HERC2: variants seen among roughly 807,000 people sequenced by gnomAD.
HERC2 encodes the protein E3 ubiquitin-protein ligase HERC2.
In HERC2, 102 loss-of-function variants were observed where a neutral mutation model predicts 537.7. That is an observed-to-expected ratio of 0.19 (90% CI 0.16 to 0.22). The LOEUF is 0.22. HERC2 is among the 10% of genes least tolerant of loss of function. The pLI, the probability that HERC2 is intolerant of heterozygous loss-of-function variation, is 1.00. For missense variants in HERC2, 4,236 were observed against 6,198.2 expected (o/e 0.68, Z 10.63); for synonymous variants, 2,224 against 2,466.2 (o/e 0.90, Z 2.91).
intron 86 of HERC2, among the ~76,000 whole-genome samples, chr15:28,120,761 C>T (rs1888792073): frequency 6.6e-6 from 1 of 152,192 alleles, no homozygotes; most frequent in African/African-American, 2.4e-5. Context: ...TGACCCACTC[C>T]ACTTCTCAGA....
In HERC2 at chr15:28,141,465, T is replaced by C; in HGVS notation, c.11982A>G (p.Glu3994=). Residue 3994 remains glutamate, a synonymous_variant, in exon 78 of 93, where the codon GAA becomes GAG. Coordinates refer to ENST00000261609, the MANE Select transcript of HERC2 (RefSeq NM_004667.6). The part of the protein sequence containing the change: ...TLRPVQLIGG[E]QTLFAVTADG... ...CAGCCGTCACAGCAAAGAGGGTCTG[T>C]TCCCCTCCGATTAACTGCACGGGTC... is the stretch of plus-strand genomic sequence containing the variant. The C allele has an allele frequency of 2.5e-6, 4 of 1,614,102 alleles. No individual in the cohort carries two copies. The highest frequency in any genetic ancestry group is 3.4e-6 in the Non-Finnish European group (4 of 1,180,022).
chr15:28,147,751 G>A (rs1454780551), intron 70 of HERC2, among the ~76,000 whole-genome samples: 1 of 152,118 alleles, frequency 6.6e-6, no homozygotes, highest in Non-Finnish European at 1.5e-5. Context: ...AAAGGGAATA[G>A]GCTGGGTACA....
At chr15:28,303,904 A>C (rs2076703687) in intron 2 of HERC2, among the ~76,000 whole-genome samples, 2 of 152,170 alleles carry the variant, frequency 1.3e-5, no homozygotes, top group Non-Finnish European at 2.9e-5. Flanking sequence ...AGTGGCTCAT[A>C]CCTGTAATCC....
intron 44 of HERC2, among the ~76,000 whole-genome samples, chr15:28,209,446 C>A (rs185853632): frequency 0.011 from 1,620 of 152,166 alleles, 31 homozygotes; most frequent in African/African-American, 0.037. Flanking sequence ...CGAGTTCACA[C>A]CATTCTCCTG....
intron 66 of HERC2, 107 bp from the exon 67 acceptor site, chr15:28,168,697 C>T (rs1017803795): frequency 2.1e-6 from 2 of 948,372 alleles, no homozygotes; most frequent in Non-Finnish European, 3.1e-6. Context: ...CTCATTTTTA[C>T]TGAATACATG....
intron 35 of HERC2, among the ~76,000 whole-genome samples, chr15:28,223,160 C>T (rs1468010342): frequency 1.3e-5 from 2 of 152,068 alleles, no homozygotes; most frequent in African/African-American, 4.8e-5. Flanking sequence ...AAACAGAAGC[C>T]GAGCTGCTGT....
chr15:28,270,293 G>GATATATA (rs769991545), intron 10 of HERC2, among the ~76,000 whole-genome samples: 1 of 150,758 alleles, frequency 6.6e-6, no homozygotes, highest in African/African-American at 2.4e-5. Flanking sequence ...ATGTAATATA[G>GATATATA]ATATATAATA....
chr15:28,271,881 A>G (rs112534866), intron 9 of HERC2, among the ~76,000 whole-genome samples: 2,093 of 152,304 alleles, frequency 0.014, 47 homozygotes, highest in African/African-American at 0.048. Context: ...TACCAAACAG[A>G]GTGACAGCTC....
intron 86 of HERC2, chr15:28,117,431 A>G: frequency 2.9e-6 from 2 of 678,924 alleles, no homozygotes; most frequent in Non-Finnish European, 5.4e-6. Context: ...ACCTTCCAAC[A>G]CGACACACAC....
chr15:28,303,310 A>G (rs1032664112), intron 2 of HERC2, among the ~76,000 whole-genome samples: 1 of 152,088 alleles, frequency 6.6e-6, no homozygotes, highest in Non-Finnish European at 1.5e-5. Flanking sequence ...AGGTGAGTTC[A>G]CTGTAGATGT....
chr15:28,174,784 A>G (rs982691381), intron 64 of HERC2, among the ~76,000 whole-genome samples, 164 bp from the exon 65 acceptor site: 6 of 152,210 alleles, frequency 3.9e-5, no homozygotes, highest in African/African-American at 7.2e-5. Context: ...AAATGGCATC[A>G]GCGTACTACA....
Position 28,198,650 on chromosome 15 carries a change from C to T in HERC2, c.7836G>A (p.Gln2612=). The T allele has an allele frequency of 6.2e-7, 1 of 1,614,112 alleles. No homozygotes were observed. The highest frequency in any genetic ancestry group is 1.1e-5 in the South Asian group (1 of 91,062). Residue 2612 remains glutamine (Q), a synonymous_variant, in exon 49 of 93, where the codon CAG becomes CAA. Transcript: ENST00000261609. The part of the protein sequence containing the change: ...LHDLNVQCDW[Q]QKGGTYWVRY... ...TAACCCAGTAGGTGCCCCCTTTCTGCTGCCAGTCACACTGCACATTGAGAT... is the reference window on the plus strand; with the variant it reads ...TAACCCAGTAGGTGCCCCCTTTCTGTTGCCAGTCACACTGCACATTGAGAT...
intron 68 of HERC2, 118 bp downstream of exon 68, chr15:28,167,569 G>T (rs780237269): frequency 5.1e-5 from 63 of 1,237,496 alleles, no homozygotes; most frequent in Non-Finnish European, 7.1e-5. Context: ...CTAACAAGTG[G>T]ACAGCCGAGG....
At chr15:28,203,774 G>C (rs1364108204) in intron 45 of HERC2, 1 of 151,868 alleles carries the variant, frequency 6.6e-6, no homozygotes, top group Non-Finnish European at 1.5e-5. Flanking sequence ...ATATGCGGAC[G>C]GACTACCCGC....
At position 28,132,200 on chromosome 15, in the gene HERC2, G is replaced by T; in HGVS notation, c.12470C>A (p.Thr4157Asn). ...AGTGTCGTCATCTGTGAGGCAGAGG[G>T]TCTGGGCATCTCCACTGCCACAGGC... The part of the protein sequence containing the change: ...DIACGSGDAQ[T>N]LCLTDDDTVW... The change falls in exon 81 of 93, where the codon ACC becomes AAC. Residue 4157 changes from threonine to asparagine, a missense_variant. Thr to Asn is a moderately conservative substitution (Grantham distance 65, BLOSUM62 0). Around this residue, in one of 27 missense-constraint regions of HERC2, gnomAD observed 94 missense variants for 137.4 expected, o/e 0.68. Coordinates refer to ENST00000261609, the MANE Select transcript of HERC2 (RefSeq NM_004667.6). The T allele has an allele frequency of 6.2e-7, 1 of 1,613,986 alleles. No homozygotes were observed. The highest frequency in any genetic ancestry group is 1.1e-5 in the South Asian group (1 of 91,050).
Position 28,198,706 on chromosome 15 carries a change from C to G in HERC2, c.7780G>C (p.Val2594Leu). Reference sequence around the variant, plus strand: ...AATCCATCTCTGTCCAGCTTGATGACTTTGCCAACATCACCTTCGCACACT... The same window carrying G: ...AATCCATCTCTGTCCAGCTTGATGAGTTTGCCAACATCACCTTCGCACACT... Reference protein sequence around the residue: ...EEVCEGDVGKVIKLDRDGLHD... With the variant: ...EEVCEGDVGKLIKLDRDGLHD... The change falls in exon 49 of 93, where the codon GTC becomes CTC. Residue 2594 changes from valine to leucine, a missense_variant. Physicochemically the swap from Val to Leu is conservative, Grantham distance 32. Coordinates refer to ENST00000261609, the MANE Select transcript of HERC2 (RefSeq NM_004667.6). 1 of 1,614,168 alleles carries G rather than the reference C, an allele frequency of 6.2e-7. No homozygotes were observed. Among genetic ancestry groups the G allele is most frequent in the Non-Finnish European group, 8.5e-7 (1 of 1,180,034 alleles).
chr15:28,115,311 C>T, intron 89 of HERC2, 118 bp downstream of exon 89: 1 of 568,452 alleles, frequency 1.8e-6, no homozygotes, highest in Non-Finnish European at 3.1e-6. Context: ...AGCCAACAGC[C>T]TCTGCGTCAC....
rs1414775547 is a variant in HERC2 at position 28,265,651 on chromosome 15, C to T, written c.1837G>A (p.Gly613Arg). The T allele has an allele frequency of 1.9e-6, 3 of 1,614,050 alleles. No homozygotes were observed. The highest frequency in any genetic ancestry group is 2.5e-6 in the Non-Finnish European group (3 of 1,180,038). ...LKVIDVACGS[G>R]DAQTLAVTEN... Reference sequence around the variant, plus strand: ...GTGACAGCCAGGGTTTGAGCATCCCCACTCCCACACGCCACATCGATGACC... The same window carrying T: ...GTGACAGCCAGGGTTTGAGCATCCCTACTCCCACACGCCACATCGATGACC... Residue 613 changes from glycine to arginine, a missense_variant, in exon 14 of 93, where the codon GGG becomes AGG. Physicochemically the swap from Gly to Arg is moderately radical, Grantham distance 125. Transcript: ENST00000261609. The surrounding 1 kb of genome is among the most constrained non-coding windows in gnomAD (Gnocchi z 4.0).
At position 28,200,417 on chromosome 15, in the gene HERC2, G is replaced by T. The variant is rs539006185; in HGVS notation, c.7716+1039C>A. ...CTCAAAAAACAAACAAAAAAAAAAG[G>T]TAGCCACCTACAAGCCAGGAAGAGG... On this transcript the variant is annotated intron_variant, in intron 48 of 92. Transcript: ENST00000261609. Among the ~76,000 whole-genome samples the T allele has an allele frequency of 5.5e-4, 83 of 151,916 alleles. 1 individual carries two copies. In the Middle Eastern group the frequency reaches 0.031, roughly 56 times the overall value.
Sources: allele counts gnomAD v4.1 joint callset (sites outside exome capture counted in the v4.1 genomes callset), GRCh38; gene constraint gnomAD v4.1.1; regional missense constraint gnomAD v4.1.1; non-coding constraint Gnocchi (gnomAD v3.1); transcripts MANE v1.5; gene names NCBI Gene and HGNC (gene_info 2026-07-23, HGNC 2026-07-21).